The following PITPNM2 variants were observed in gnomAD, a reference collection of about 807,000 sequenced individuals.
The protein encoded by PITPNM2 is phosphatidylinositol transfer protein membrane associated 2.
In PITPNM2, 35 loss-of-function variants were observed where a neutral mutation model predicts 132.2. The observed-to-expected ratio is 0.26, with a 90% CI of 0.20 to 0.35. The LOEUF (loss-of-function observed/expected upper bound fraction) is 0.35, where lower values mean the gene tolerates loss of function less well. PITPNM2 is among the 10% of genes least tolerant of loss of function. PITPNM2 has a pLI of 1.00. For synonymous variants in PITPNM2, 738 were observed against 799.2 expected, an observed-to-expected ratio of 0.92 and a Z score of 1.29; for missense variants, 1,332 against 1,912.0, an observed-to-expected ratio of 0.70 and a Z score of 5.66.
intron 3 of PITPNM2, among the ~76,000 whole-genome samples, chr12:123,029,648 T>C (rs1027737617): frequency 6.6e-6 from 1 of 152,230 alleles, no homozygotes; most frequent in East Asian, 1.9e-4. Context: ...TGTATGTGTG[T>C]GTGTGTGTGT....
intron 2 of PITPNM2, among the ~76,000 whole-genome samples, chr12:123,055,408 T>C (rs4148857): frequency 0.034 from 5,137 of 152,288 alleles, 148 homozygotes; most frequent in East Asian, 0.17. Flanking sequence ...ACGTGGGGCC[T>C]GGAACTACCT....
intron 1 of PITPNM2, among the ~76,000 whole-genome samples, chr12:123,119,954 G>C (rs1298145548): frequency 6.6e-6 from 1 of 152,074 alleles, no homozygotes; most frequent in African/African-American, 2.4e-5. Flanking sequence ...GGCTGTGTCA[G>C]CTCAGCAACC....
intron 1 of PITPNM2, among the ~76,000 whole-genome samples, chr12:123,128,466 GT>G (rs1472313496): frequency 6.9e-6 from 1 of 144,364 alleles, no homozygotes; most frequent in East Asian, 2.0e-4. Context: ...AAAAAAAAAG[GT>G]GGGGGGGCAG....
At chr12:123,137,757 GT>G (rs2043412606) in intron 1 of PITPNM2, among the ~76,000 whole-genome samples, 1 of 152,016 alleles carries the variant, frequency 6.6e-6, no homozygotes, top group African/African-American at 2.4e-5. Context: ...GCGGGACGTG[GT>G]GGTGCGTGTC....
chr12:123,111,634 G>A lies in PITPNM2; in HGVS notation c.-199-1146C>T, dbSNP rs925441919. Among the ~76,000 whole-genome samples the A allele has an allele frequency of 2.4e-4, 37 of 152,276 alleles. No individual in the cohort carries two copies. The highest frequency in any genetic ancestry group is 8.4e-4 in the African/African-American group (35 of 41,554). On this transcript the variant is annotated intron_variant, in intron 1 of 25. Coordinates refer to ENST00000320201, the MANE Select transcript of PITPNM2 (RefSeq NM_020845.3). The surrounding 1 kb of genome is among the most constrained non-coding windows in gnomAD (Gnocchi z 4.1). Reference sequence around the variant, plus strand: ...GGGCGGCTCTTCCAACCCCGCCACCGCCACCGCGTCCTGCATGCCCACCCC... The same window carrying A: ...GGGCGGCTCTTCCAACCCCGCCACCACCACCGCGTCCTGCATGCCCACCCC...
rs1301079151 is a variant in PITPNM2 at position 123,078,546 on chromosome 12, A to G, written c.-96+31839T>C. On this transcript the variant is annotated intron_variant, in intron 2 of 25. Transcript: ENST00000320201. The surrounding 1 kb of genome is among the most constrained non-coding windows in gnomAD (Gnocchi z 7.3). ...CTTAGGTGATACCTTGTGTTAGGGG[A>G]GGCGTTGTGGATTTCCACCTGCCCG... Among the ~76,000 whole-genome samples the G allele has an allele frequency of 6.6e-6, 1 of 152,156 alleles. No homozygotes were observed. Among genetic ancestry groups the G allele is most frequent in the Non-Finnish European group, 1.5e-5 (1 of 68,026 alleles).
At position 123,070,869 on chromosome 12, in the gene PITPNM2, C is replaced by T. The variant is rs191245037; in HGVS notation, c.-95-36184G>A. 1.8e-4 allele frequency among the ~76,000 whole-genome samples: 27 copies of T among 152,338 alleles called. No individual in the cohort carries two copies. The South Asian group carries it at 1.9e-3, about 11-fold the overall frequency. On this transcript the variant is annotated intron_variant, in intron 2 of 25. Coordinates refer to ENST00000320201, the MANE Select transcript of PITPNM2 (RefSeq NM_020845.3). Reference sequence around the variant, plus strand: ...CTGCCCAACTCAGAGAATGCCGTGACGTGTGACTCATGTTGGGGCCACATG... The same window carrying T: ...CTGCCCAACTCAGAGAATGCCGTGATGTGTGACTCATGTTGGGGCCACATG...
In PITPNM2 at chr12:123,022,259, G is replaced by C. The variant is rs903141986; in HGVS notation, c.79-8217C>G. 2.0e-5 allele frequency among the ~76,000 whole-genome samples: 3 copies of C among 152,202 alleles called. No homozygotes were observed. Among genetic ancestry groups the C allele is most frequent in the African/African-American group, 7.2e-5 (3 of 41,424 alleles). ...ACTTGGGCTAAAAGGACAGGGCAGA[G>C]GAGTGCAGCTGGGTCTCAGCTGTGC... is the stretch of plus-strand genomic sequence containing the variant. On this transcript the variant is annotated intron_variant, in intron 3 of 25. Transcript: ENST00000320201. This position sits in a 1 kb window ranked among gnomAD's most constrained non-coding sequence, Gnocchi z 4.9.
intron 2 of PITPNM2, among the ~76,000 whole-genome samples, chr12:123,079,941 C>A (rs2041908895): frequency 6.6e-6 from 1 of 152,176 alleles, no homozygotes; most frequent in South Asian, 2.1e-4. Flanking sequence ...TCTCCCCCAG[C>A]CCCTGTCAAC....
At chr12:122,991,158 A>G (rs1449454438) in intron 16 of PITPNM2, among the ~76,000 whole-genome samples, 1 of 152,232 alleles carries the variant, frequency 6.6e-6, no homozygotes, top group African/African-American at 2.4e-5. Context: ...CATGCAGAGC[A>G]CAGAGAGAGG....
intron 5 of PITPNM2, among the ~76,000 whole-genome samples, chr12:123,011,645 TAAG>T (rs960449152): frequency 2.0e-5 from 3 of 152,272 alleles, no homozygotes; most frequent in Admixed American, 1.3e-4. Flanking sequence ...GGTGTTTTTA[TAAG>T]AAGAGGAGAC....
chr12:123,075,032 C>T (rs1221637370), intron 2 of PITPNM2, among the ~76,000 whole-genome samples: 1 of 152,178 alleles, frequency 6.6e-6, no homozygotes, highest in Non-Finnish European at 1.5e-5. Context: ...GCAGGGAAAA[C>T]ATATTTGTGT....
At position 123,077,422 on chromosome 12, in the gene PITPNM2, A is replaced by G. The variant is rs922328907; in HGVS notation, c.-96+32963T>C. On this transcript the variant is annotated intron_variant, in intron 2 of 25. Transcript: ENST00000320201. The surrounding 1 kb of genome is among the most constrained non-coding windows in gnomAD (Gnocchi z 4.8). ...ACCACTCCAGAGCCCTGCCCCATCTAGGGCGCACGTGCATGCCTCTGAATT... is the reference window on the plus strand; with the variant it reads ...ACCACTCCAGAGCCCTGCCCCATCTGGGGCGCACGTGCATGCCTCTGAATT... 1.3e-5 allele frequency among the ~76,000 whole-genome samples: 2 copies of G among 152,188 alleles called. No homozygotes were observed. Among genetic ancestry groups the G allele is most frequent in the Non-Finnish European group, 2.9e-5 (2 of 68,032 alleles).
Position 122,990,653 on chromosome 12 carries a change from G to T in PITPNM2, c.2461C>A (p.Pro821Thr), listed in dbSNP as rs779600385. 1.1e-5 allele frequency: 18 copies of T among 1,611,844 alleles called. No individual in the cohort carries two copies. In the Admixed American group the frequency reaches 1.2e-4, roughly 10 times the overall value. The change falls in exon 17 of 26, where the codon CCG becomes ACG. Residue 821 changes from proline to threonine, a missense_variant. By Grantham distance (38) the Pro-to-Thr change is conservative. Coordinates refer to ENST00000320201, the MANE Select transcript of PITPNM2 (RefSeq NM_020845.3). ...CCACGACTGGCAGGGGCAGTGCCCGGCGAGGAGGGGGCGCCATGCTCTTGG... is the reference window on the plus strand; with the variant it reads ...CCACGACTGGCAGGGGCAGTGCCCGTCGAGGAGGGGGCGCCATGCTCTTGG... ...AFQEHGAPSS[P>T]GTAPASRGFR...
intron 2 of PITPNM2, among the ~76,000 whole-genome samples, chr12:123,063,965 G>C (rs1311344391): frequency 6.6e-6 from 1 of 151,768 alleles, no homozygotes; most frequent in Non-Finnish European, 1.5e-5. Flanking sequence ...TCAATGTAAA[G>C]CACCCAGCAC....
chr12:123,119,650 G>A (rs571497110), intron 1 of PITPNM2, among the ~76,000 whole-genome samples: 27 of 152,152 alleles, frequency 1.8e-4, no homozygotes, highest in African/African-American at 5.8e-4. Flanking sequence ...GAGCCACCGC[G>A]CCTGGCTGAG....
Position 122,986,088 on chromosome 12 carries a change from C to A in PITPNM2, c.3989G>T (p.Gly1330Val). ...RGQRSMSVAA[G>V]CWGRAMTGRL... The stretch of plus-strand genomic sequence containing the variant: ...GCCAGTCATGGCGCGGCCCCAGCAG[C>A]CGGCCGCCACACTCATGCTGCGCTG... Residue 1330 changes from glycine (G) to valine (V), a missense_variant, in exon 26 of 26, where the codon GGC becomes GTC. Transcript: ENST00000320201. 1 of 1,441,610 alleles carries A rather than the reference C, an allele frequency of 6.9e-7. No homozygotes were observed. 89.3% of individuals were successfully genotyped at this position (1,441,610 alleles called of 1,614,324 possible).
At chr12:123,126,818 A>C (rs1471437392) in intron 1 of PITPNM2, among the ~76,000 whole-genome samples, 1 of 152,246 alleles carries the variant, frequency 6.6e-6, no homozygotes, top group Non-Finnish European at 1.5e-5. Context: ...GAGAGGCAAG[A>C]ATTGCCTTTG....
chr12:123,131,944 T>C (rs1363235055), intron 1 of PITPNM2, among the ~76,000 whole-genome samples: 1 of 152,224 alleles, frequency 6.6e-6, no homozygotes, highest in Non-Finnish European at 1.5e-5. Flanking sequence ...TGAGAAAGCA[T>C]GTGACCTGCT....
Sources: allele counts gnomAD v4.1 joint callset (sites outside exome capture counted in the v4.1 genomes callset), GRCh38; gene constraint gnomAD v4.1.1; non-coding constraint Gnocchi (gnomAD v3.1); transcripts MANE v1.5; gene names NCBI Gene and HGNC (gene_info 2026-07-23, HGNC 2026-07-21).